The following AKT2 variants were observed in gnomAD, a reference collection of about 807,000 sequenced individuals.
The protein encoded by AKT2 is RAC-beta serine/threonine-protein kinase.
AKT2 carries 16 observed loss-of-function variants against 58.6 expected under a neutral mutation model. The observed-to-expected ratio is 0.27, with a 90% CI of 0.18 to 0.41. The LOEUF is 0.41. Among genes scored for constraint, AKT2 ranks in the 10% least tolerant of loss-of-function variants. AKT2 has a pLI of 1.00. For synonymous variants in AKT2, 253 were observed against 254.0 expected, an observed-to-expected ratio of 1.00 and a Z score of 0.04; for missense variants, 438 against 661.0, an observed-to-expected ratio of 0.66 and a Z score of 3.70.
chr19:40,262,818 G>C (rs2145347403), intron 2 of AKT2, among the ~76,000 whole-genome samples: 1 of 152,350 alleles, frequency 6.6e-6, no homozygotes, highest in Middle Eastern at 3.4e-3. Flanking sequence ...CTGGCACACA[G>C]TAAGTGCTCA....
Position 40,238,770 on chromosome 19 carries a change from G to T in AKT2, c.708+135C>A. ...CCCCAAAATGGAGACGAAGCCGCCT[G>T]CCTCAAGGGAGAGGGGCACTAGATG... On this transcript the variant is annotated intron_variant, in intron 8 of 13. Coordinates refer to ENST00000392038, the MANE Select transcript of AKT2 (RefSeq NM_001626.6). The surrounding 1 kb of genome is among the most constrained non-coding windows in gnomAD (Gnocchi z 5.1). 3.2e-6 allele frequency: 3 copies of T among 950,988 alleles called. No individual in the cohort carries two copies. The highest frequency in any genetic ancestry group is 5.0e-6 in the Non-Finnish European group (3 of 594,848). The allele number at this position is 950,988 out of a possible 1,614,324, so 58.9% of individuals were successfully genotyped here. A position where few individuals can be genotyped will look rare whatever the true frequency, so the allele number is the denominator to read the frequency against.
chr19:40,232,945 C>G lies in AKT2; in HGVS notation c.*927G>C, dbSNP rs1031159840. 9 of 232,640 alleles carry G rather than the reference C, an allele frequency of 3.9e-5. No homozygotes were observed. Among genetic ancestry groups the G allele is most frequent in the Admixed American group, 1.1e-4 (2 of 17,756 alleles). 14.4% of individuals were successfully genotyped at this position (232,640 alleles called of 1,614,324 possible). ...GTACCAGAGATGCCCACCCCCACCC[C>G]TCCCTGACCAAGTCCATGGGGCCCA... On this transcript the variant is annotated 3_prime_UTR_variant, in exon 14 of 14. Coordinates refer to ENST00000392038, the MANE Select transcript of AKT2 (RefSeq NM_001626.6).
intron 7 of AKT2, 68 bp downstream of exon 7, chr19:40,239,977 A>T (rs2145190496): frequency 1.9e-6 from 3 of 1,552,858 alleles, no homozygotes; most frequent in Non-Finnish European, 2.7e-6. Context: ...CCAGAAGATT[A>T]GGGCTCTCTC....
rs760572142 is a variant in AKT2 at position 40,235,958 on chromosome 19, G to A, written c.1107C>T (p.Phe369=). Reference sequence around the variant, plus strand: ...TGGCCTCGGGGCTGAGCGTGCGCGGGAAGCGGATCTCTTCCATGAGGATGA... The same window carrying A: ...TGGCCTCGGGGCTGAGCGTGCGCGGAAAGCGGATCTCTTCCATGAGGATGA... ...FELILMEEIR[F]PRTLSPEAKS... Residue 369 remains phenylalanine (F), a synonymous_variant, in exon 11 of 14, where the codon TTC becomes TTT. Transcript: ENST00000392038. This position sits in a 1 kb window ranked among gnomAD's most constrained non-coding sequence, Gnocchi z 6.3. 1.2e-5 allele frequency: 20 copies of A among 1,613,872 alleles called. No homozygotes were observed. Among genetic ancestry groups the A allele is most frequent in the Non-Finnish European group, 1.6e-5 (19 of 1,180,032 alleles).
In AKT2 at chr19:40,234,013, G is replaced by A; in HGVS notation, c.1367-62C>T. On this transcript the variant is annotated intron_variant, in intron 13 of 13. Coordinates refer to ENST00000392038, the MANE Select transcript of AKT2 (RefSeq NM_001626.6). The surrounding 1 kb of genome is among the most constrained non-coding windows in gnomAD (Gnocchi z 4.7). Reference sequence around the variant, plus strand: ...GGAGAGGGCCTGGGACACCTGCCCAGACTCCCTGGGGAAACGGCCCCAGCT... The same window carrying A: ...GGAGAGGGCCTGGGACACCTGCCCAAACTCCCTGGGGAAACGGCCCCAGCT... 1 of 1,543,520 alleles carries A rather than the reference G, an allele frequency of 6.5e-7. No individual in the cohort carries two copies.
At position 40,237,921 on chromosome 19, in the gene AKT2, T is replaced by C. The variant is rs760887362; in HGVS notation, c.831+48A>G. 4 of 1,608,934 alleles carry C rather than the reference T, an allele frequency of 2.5e-6. No individual in the cohort carries two copies. Among genetic ancestry groups the C allele is most frequent in the Non-Finnish European group, 2.5e-6 (3 of 1,178,316 alleles). ...CCCAACTTCCCCAGTGTGAGTCCCATGTGGTGTGCATGCCACAGGTCAGCC... is the reference window on the plus strand; with the variant it reads ...CCCAACTTCCCCAGTGTGAGTCCCACGTGGTGTGCATGCCACAGGTCAGCC... On this transcript the variant is annotated intron_variant, in intron 9 of 13. Coordinates refer to ENST00000392038, the MANE Select transcript of AKT2 (RefSeq NM_001626.6). The surrounding 1 kb of genome is among the most constrained non-coding windows in gnomAD (Gnocchi z 4.5).
intron 3 of AKT2, among the ~76,000 whole-genome samples, chr19:40,256,128 A>T (rs1458193390): frequency 6.6e-6 from 1 of 152,188 alleles, no homozygotes; most frequent in Non-Finnish European, 1.5e-5. Context: ...TCCAAGGAGC[A>T]GCCTGGGACA....
At chr19:40,252,600 ATC>A (rs71334903) in intron 4 of AKT2, among the ~76,000 whole-genome samples, 59,228 of 151,864 alleles carry the variant, frequency 0.39, 12,950 homozygotes, top group South Asian at 0.59. Context: ...CCCTGTGGGG[ATC>A]TCCACCTGGA....
At chr19:40,276,882 G>GT (rs2077336309) in intron 1 of AKT2, among the ~76,000 whole-genome samples, 1 of 152,088 alleles carries the variant, frequency 6.6e-6, no homozygotes, top group South Asian at 2.1e-4. Flanking sequence ...AATTAGCCAG[G>GT]TATGATGGTG....
intron 1 of AKT2, among the ~76,000 whole-genome samples, chr19:40,277,992 GC>G (rs1170467317): frequency 6.6e-6 from 1 of 152,168 alleles, no homozygotes; most frequent in East Asian, 1.9e-4. Context: ...TTCCCCCTGG[GC>G]CCCCCTTGGG....
intron 4 of AKT2, among the ~76,000 whole-genome samples, chr19:40,250,380 G>A (rs1257005174): frequency 6.6e-6 from 1 of 152,046 alleles, no homozygotes; most frequent in East Asian, 1.9e-4. Flanking sequence ...GCGCGTGCCT[G>A]TAATCCCAGC....
chr19:40,248,085 C>T lies in AKT2; in HGVS notation c.288-5398G>A, dbSNP rs578096098. On this transcript the variant is annotated intron_variant, in intron 4 of 13. Transcript: ENST00000392038. ...GCCTGCCTTCCGTACCAGCTGGGGA[C>T]CTCACAGTGGGTGAGAGGACAGGCT... 4.6e-5 allele frequency among the ~76,000 whole-genome samples: 7 copies of T among 152,286 alleles called. No individual in the cohort carries two copies. In the South Asian group the frequency reaches 1.0e-3, roughly 23 times the overall value.
chr19:40,282,144 C>T (rs1161308750), intron 1 of AKT2: 1 of 206,694 alleles, frequency 4.8e-6, no homozygotes, highest in Non-Finnish European at 1.0e-5. Context: ...CTCGAGGGGA[C>T]CAAAAGTAGG....
In AKT2 at chr19:40,282,097, C is replaced by T. The variant is rs144653079; in HGVS notation, c.-85+3084G>A. 5.9e-4 allele frequency: 116 copies of T among 196,040 alleles called. 1 individual carries two copies. The highest frequency in any genetic ancestry group is 2.7e-3 in the African/African-American group (112 of 41,964). The allele number at this position is 196,040 out of a possible 1,614,324, so 12.1% of individuals were successfully genotyped here. A position where few individuals can be genotyped will look rare whatever the true frequency, so the allele number is the denominator to read the frequency against. On this transcript the variant is annotated intron_variant, in intron 1 of 13. Transcript: ENST00000392038. ...AACCAGAACATTGAAGTTCTGGATC[C>T]TAGCTGGGCCAGGCTGGGGAGCTGG...
intron 10 of AKT2, 27 bp downstream of exon 10, chr19:40,236,230 G>T: frequency 6.2e-7 from 1 of 1,613,482 alleles, no homozygotes; most frequent in Non-Finnish European, 8.5e-7. Flanking sequence ...GGCCTCACAC[G>T]TTCCTACCCC....
rs375267010 is a variant in AKT2, at chr19:40,238,098, G to A, written c.709-7C>T. 3 of 1,590,908 alleles carry A rather than the reference G, an allele frequency of 1.9e-6. No individual in the cohort carries two copies. The highest frequency in any genetic ancestry group is 2.3e-5 in the East Asian group (1 of 44,214). On this transcript the variant is annotated splice_polypyrimidine_tract_variant and splice_region_variant and intron_variant, in intron 8 of 13. Transcript: ENST00000392038. The surrounding 1 kb of genome is among the most constrained non-coding windows in gnomAD (Gnocchi z 5.1). The stretch of plus-strand genomic sequence containing the variant: ...GGGACAGGTGGAAGAACAGCTGCAG[G>A]AGGAAGGGGTGGGGAGAGGAGGTCA...
rs755782228 is a variant in AKT2, at chr19:40,255,250, G to A, written c.195C>T (p.Thr65=). 17 of 1,613,922 alleles carry A rather than the reference G, an allele frequency of 1.1e-5. No homozygotes were observed. Among genetic ancestry groups the A allele is most frequent in the South Asian group, 6.6e-5 (6 of 91,078 alleles). ...FSVAECQLMK[T]ERPRPNTFVI... The stretch of plus-strand genomic sequence containing the variant: ...CAAAGGTGTTGGGTCGCGGCCTCTC[G>A]GTCTTCATCAGCTGGCATTCTGCAG... Residue 65 remains threonine (T), a synonymous_variant, in exon 4 of 14, where the codon ACC becomes ACT. Coordinates refer to ENST00000392038, the MANE Select transcript of AKT2 (RefSeq NM_001626.6).
chr19:40,266,484 C>T (rs1976366944), intron 1 of AKT2: 1 of 152,424 alleles, frequency 6.6e-6, no homozygotes, highest in Non-Finnish European at 1.5e-5. Flanking sequence ...ACAAGATGGA[C>T]ATGACAGGGA....
intron 1 of AKT2, chr19:40,282,594 C>G (rs1475211626): frequency 1.9e-6 from 1 of 525,226 alleles, no homozygotes; most frequent in Non-Finnish European, 3.9e-6. Context: ...AGGTAGAGGA[C>G]AGAGGACAGA....
Sources: gnomAD v4.1 joint callset for allele counts (sites outside exome capture counted in the v4.1 genomes callset) on GRCh38, gnomAD v4.1.1 for gene constraint, Gnocchi (gnomAD v3.1) non-coding constraint, MANE v1.5 for transcripts, NCBI Gene and HGNC (gene_info 2026-07-23, HGNC 2026-07-21) for gene names.